Variants in INPP4B observed in about 807,000 individuals in gnomAD.
INPP4B encodes inositol polyphosphate-4-phosphatase type II B.
A neutral mutation model predicts 122.5 loss-of-function variants in INPP4B; 55 were observed. That is an observed-to-expected ratio of 0.45 (90% CI 0.36 to 0.56). INPP4B has a LOEUF of 0.56. INPP4B is among the 20% of genes least tolerant of loss of function. INPP4B has a pLI of 0.00. For missense variants in INPP4B, 1,000 were observed against 1,097.7 expected, an observed-to-expected ratio of 0.91 and a Z score of 1.26; for synonymous variants, 403 against 388.7, an observed-to-expected ratio of 1.04 and a Z score of -0.43.
rs575736167 is a variant in INPP4B at position 142,454,829 on chromosome 4, G to A, written c.-127+7834C>T. 4.3e-4 allele frequency among the ~76,000 whole-genome samples: 65 copies of A among 152,116 alleles called. 2 individuals carry two copies. In the South Asian group the frequency reaches 0.013, roughly 30 times the overall value. On this transcript the variant is annotated intron_variant, in intron 3 of 25. Coordinates refer to ENST00000262992, the MANE Select transcript of INPP4B (RefSeq NM_001101669.3). Reference sequence around the variant, plus strand: ...TGTTAATTGTTTTATTTCTAGCCAAGATGCATCAGGGCAGCTAAAGGTTAT... The same window carrying A: ...TGTTAATTGTTTTATTTCTAGCCAAAATGCATCAGGGCAGCTAAAGGTTAT...
intron 2 of INPP4B, among the ~76,000 whole-genome samples, chr4:142,489,342 G>A (rs899744087): frequency 3.9e-5 from 6 of 151,992 alleles, no homozygotes; most frequent in Admixed American, 2.0e-4. Flanking sequence ...GAGATGTTGG[G>A]AATAGTATTC....
chr4:142,292,951 T>G (rs970286161), intron 9 of INPP4B, among the ~76,000 whole-genome samples: 7 of 152,190 alleles, frequency 4.6e-5, no homozygotes, highest in Non-Finnish European at 8.8e-5. Context: ...CTTTACTTTC[T>G]ATGCAAGATG....
At chr4:142,520,092 A>T (rs1315083247) in intron 2 of INPP4B, among the ~76,000 whole-genome samples, 3 of 152,098 alleles carry the variant, frequency 2.0e-5, no homozygotes, top group Non-Finnish European at 4.4e-5. Flanking sequence ...AACTCTATAC[A>T]AATTATATTT....
intron 1 of INPP4B, among the ~76,000 whole-genome samples, chr4:142,728,899 G>A (rs1365963286): frequency 6.6e-5 from 10 of 152,054 alleles, no homozygotes; most frequent in African/African-American, 1.9e-4. Flanking sequence ...ACATGTCTTC[G>A]GCCAACAAGA....
At chr4:142,680,053 T>C (rs2150677678) in intron 2 of INPP4B, among the ~76,000 whole-genome samples, 1 of 152,018 alleles carries the variant, frequency 6.6e-6, no homozygotes, top group East Asian at 1.9e-4. Context: ...TGGTTTTAGC[T>C]AGCCATACCC....
At chr4:142,829,214 G>T (rs969788351) in intron 1 of INPP4B, among the ~76,000 whole-genome samples, 1 of 151,884 alleles carries the variant, frequency 6.6e-6, no homozygotes, top group African/African-American at 2.4e-5. Flanking sequence ...TGTTGACTTG[G>T]ATTCACTCTT....
chr4:142,521,328 A>G (rs1560751529), intron 2 of INPP4B, among the ~76,000 whole-genome samples: 1 of 152,022 alleles, frequency 6.6e-6, no homozygotes, highest in Non-Finnish European at 1.5e-5. Flanking sequence ...CCTCTTGGCA[A>G]TTCATATTTC....
intron 11 of INPP4B, among the ~76,000 whole-genome samples, chr4:142,256,098 A>G (rs1353507719): frequency 6.7e-6 from 1 of 149,452 alleles, no homozygotes; most frequent in Non-Finnish European, 1.5e-5. Context: ...CTGCTCCTGA[A>G]TGACTACTGG....
intron 1 of INPP4B, among the ~76,000 whole-genome samples, chr4:142,779,270 G>T (rs930059709): frequency 2.6e-5 from 4 of 151,902 alleles, no homozygotes; most frequent in Admixed American, 2.0e-4. Flanking sequence ...TTTGTGTGTT[G>T]AATGATATTT....
At chr4:142,582,652 C>A (rs539469918) in intron 2 of INPP4B, among the ~76,000 whole-genome samples, 1 of 152,066 alleles carries the variant, frequency 6.6e-6, no homozygotes, top group Admixed American at 6.6e-5. Flanking sequence ...TTTGTAAAAA[C>A]CTTGCAATAA....
At chr4:142,606,455 A>G (rs1331824320) in intron 2 of INPP4B, among the ~76,000 whole-genome samples, 1 of 148,152 alleles carries the variant, frequency 6.7e-6, no homozygotes, top group Non-Finnish European at 1.5e-5. Flanking sequence ...CTCATGATAA[A>G]CCCCAATTAC....
chr4:142,267,623 A>G (rs2322704), intron 10 of INPP4B, among the ~76,000 whole-genome samples: 8,752 of 152,270 alleles, frequency 0.057, 849 homozygotes, highest in African/African-American at 0.2. Flanking sequence ...AGTACTAGGA[A>G]GAAAACATTT....
chr4:142,728,543 G>A (rs985479958), intron 1 of INPP4B, among the ~76,000 whole-genome samples: 2 of 152,156 alleles, frequency 1.3e-5, no homozygotes, highest in African/African-American at 4.8e-5. Flanking sequence ...AAACTAGTAT[G>A]ACTGGCAACC....
intron 9 of INPP4B, among the ~76,000 whole-genome samples, chr4:142,299,089 C>G (rs1248950290): frequency 6.6e-6 from 1 of 151,904 alleles, no homozygotes; most frequent in African/African-American, 2.4e-5. Flanking sequence ...GCCTGGATCA[C>G]TCATTAGTGT....
chr4:142,456,712 G>C (rs1222075319), intron 3 of INPP4B, among the ~76,000 whole-genome samples: 1 of 152,050 alleles, frequency 6.6e-6, no homozygotes, highest in Non-Finnish European at 1.5e-5. Flanking sequence ...TTTAAATAGA[G>C]ATACTGCGCT....
chr4:142,397,220 T>C (rs1409123831), intron 7 of INPP4B, among the ~76,000 whole-genome samples: 1 of 152,152 alleles, frequency 6.6e-6, no homozygotes, highest in Non-Finnish European at 1.5e-5. Flanking sequence ...TTGCAAACTA[T>C]GTCACAATGA....
chr4:142,607,026 T>C (rs1230386704), intron 2 of INPP4B, among the ~76,000 whole-genome samples: 2 of 151,922 alleles, frequency 1.3e-5, no homozygotes, highest in Non-Finnish European at 1.5e-5. Context: ...ATTATGTCAA[T>C]ATGATTATTA....
intron 7 of INPP4B, among the ~76,000 whole-genome samples, chr4:142,372,594 A>C (rs1249295868): frequency 6.6e-6 from 1 of 152,090 alleles, no homozygotes; most frequent in African/African-American, 2.4e-5. Context: ...TACAATGGAA[A>C]AGACAGAGAG....
chr4:142,719,419 G>A (rs1764217291), intron 2 of INPP4B, among the ~76,000 whole-genome samples: 1 of 151,652 alleles, frequency 6.6e-6, no homozygotes, highest in Admixed American at 6.6e-5. Flanking sequence ...AACCTCTCGG[G>A]GGTTAGGTGA....
Sources: allele counts gnomAD v4.1 joint callset (sites outside exome capture counted in the v4.1 genomes callset), GRCh38; gene constraint gnomAD v4.1.1; transcripts MANE v1.5; gene names NCBI Gene and HGNC (gene_info 2026-07-23, HGNC 2026-07-21).